The following DACH2 variants were observed in gnomAD, a reference collection of about 807,000 sequenced individuals.
DACH2 encodes the protein dachshund family transcription factor 2, also known as dachshund homolog 2.
In DACH2, 17 loss-of-function variants were observed where a neutral mutation model predicts 35.8. That is an observed-to-expected ratio of 0.48 (90% CI 0.33 to 0.71). The LOEUF (loss-of-function observed/expected upper bound fraction) is 0.71. DACH2 is among the 30% of genes least tolerant of loss of function. The pLI, the probability that DACH2 is intolerant of heterozygous loss-of-function variation, is 0.02. For synonymous variants in DACH2, 195 were observed against 177.3 expected, an observed-to-expected ratio of 1.10 and a Z score of -0.79; for missense variants, 469 against 472.7, an observed-to-expected ratio of 0.99 and a Z score of 0.07.
At chrX:86,634,395 C>T (rs1025089004) in intron 3 of DACH2, among the ~76,000 whole-genome samples, 2 of 111,326 alleles carry the variant, frequency 1.8e-5, no homozygotes, top group Admixed American at 9.6e-5. Context: ...TAGAATAAGA[C>T]AAGGATGCCC....
rs137864672 is a variant in DACH2 at position 86,229,708 on chromosome X, A to ATT, written c.488+80613_488+80614dup. On this transcript the variant is annotated intron_variant, in intron 1 of 11. Transcript: ENST00000373125. Reference sequence around the variant, plus strand: ...TCCTTTGTGAGGTATATTCCTAAGTATTTTTTTTTTTTTTGCAGCTATTGT... The same window carrying ATT: ...TCCTTTGTGAGGTATATTCCTAAGTATTTTTTTTTTTTTTTTGCAGCTATTGT... Among the ~76,000 whole-genome samples the ATT allele has an allele frequency of 4.3e-3, 408 of 95,277 alleles. 1 individual carries two copies. The highest frequency in any genetic ancestry group is 9.0e-3 in the African/African-American group (242 of 26,997). 82.7% of individuals were successfully genotyped at this position (95,277 alleles called of 115,157 possible).
chrX:86,479,704 G>A (rs1454047411), intron 2 of DACH2, among the ~76,000 whole-genome samples: 2 of 111,332 alleles, frequency 1.8e-5, no homozygotes, highest in African/African-American at 6.5e-5. Context: ...ATTTCAATTG[G>A]CCTGTCTTCA....
chrX:86,474,106 C>T (rs1322459802), intron 2 of DACH2, among the ~76,000 whole-genome samples: 9 of 111,571 alleles, frequency 8.1e-5, no homozygotes, highest in African/African-American at 1.9e-4. Flanking sequence ...TGCATTTCTC[C>T]GATGATGAAT....
At chrX:86,177,774 GA>G (rs1174963038) in intron 1 of DACH2, among the ~76,000 whole-genome samples, 2 of 110,991 alleles carry the variant, frequency 1.8e-5, no homozygotes, top group Non-Finnish European at 3.8e-5. Flanking sequence ...CTTGTTTAGG[GA>G]GAAAGAAGGC....
At chrX:86,728,346 G>A (rs752770613) in intron 6 of DACH2, among the ~76,000 whole-genome samples, 1 of 112,049 alleles carries the variant, frequency 8.9e-6, no homozygotes, top group Non-Finnish European at 1.9e-5. Context: ...AAGAAATAAT[G>A]AAAGGTTGAA....
intron 6 of DACH2, among the ~76,000 whole-genome samples, chrX:86,720,964 G>A (rs955949874): frequency 7.1e-5 from 8 of 112,502 alleles, no homozygotes; most frequent in African/African-American, 2.6e-4. Context: ...ACCAGGGCTT[G>A]GGGCTTGCAC....
At chrX:86,784,057 T>A (rs2042113989) in intron 7 of DACH2, among the ~76,000 whole-genome samples, 1 of 110,730 alleles carries the variant, frequency 9.0e-6, no homozygotes, top group African/African-American at 3.3e-5. Context: ...CTCCATGATG[T>A]GCTTATTTCA....
chrX:86,220,328 A>G (rs2032680284), intron 1 of DACH2, among the ~76,000 whole-genome samples: 1 of 111,655 alleles, frequency 9.0e-6, no homozygotes, highest in African/African-American at 3.3e-5. Flanking sequence ...TTGCTAGAAT[A>G]TATTCATCAT....
intron 1 of DACH2, among the ~76,000 whole-genome samples, chrX:86,311,801 G>A (rs1026847081): frequency 3.6e-5 from 4 of 111,576 alleles, no homozygotes; most frequent in Non-Finnish European, 7.5e-5. Context: ...GGGAGTTACA[G>A]TGTTGGCTGG....
intron 1 of DACH2, among the ~76,000 whole-genome samples, chrX:86,347,593 C>T (rs762580705): frequency 8.9e-6 from 1 of 112,909 alleles, no homozygotes; most frequent in Non-Finnish European, 1.9e-5. Context: ...CTCATTTTCT[C>T]ATTATTGATT....
chrX:86,737,351 C>T (rs1232873948), intron 6 of DACH2, among the ~76,000 whole-genome samples: 5 of 111,518 alleles, frequency 4.5e-5, no homozygotes, highest in African/African-American at 1.6e-4. Context: ...TGTTTGGAAA[C>T]ATTGTTTTGG....
At chrX:86,474,773 G>T (rs2037815420) in intron 2 of DACH2, among the ~76,000 whole-genome samples, 3 of 111,502 alleles carry the variant, frequency 2.7e-5, no homozygotes, top group Non-Finnish European at 5.7e-5. Flanking sequence ...TGCTCTTGTT[G>T]CCCAGGCTGG....
intron 3 of DACH2, among the ~76,000 whole-genome samples, chrX:86,536,419 G>T (rs1196308958): frequency 9.0e-6 from 1 of 111,663 alleles, no homozygotes; most frequent in Non-Finnish European, 1.9e-5. Context: ...GTCTCTTATG[G>T]GGGAAATTTG....
At chrX:86,588,699 T>C (rs2039605970) in intron 3 of DACH2, among the ~76,000 whole-genome samples, 1 of 111,460 alleles carries the variant, frequency 9.0e-6, no homozygotes, top group Non-Finnish European at 1.9e-5. Flanking sequence ...TACTGGGTTT[T>C]CTAAATGGAT....
intron 2 of DACH2, among the ~76,000 whole-genome samples, chrX:86,444,339 C>T (rs1243509808): frequency 1.8e-5 from 2 of 111,596 alleles, no homozygotes; most frequent in African/African-American, 3.3e-5. Flanking sequence ...ATCCTCCTGC[C>T]TTGGCCTCCC....
chrX:86,425,463 A>G (rs1264536100), intron 2 of DACH2, among the ~76,000 whole-genome samples: 1 of 110,529 alleles, frequency 9.0e-6, no homozygotes, highest in Non-Finnish European at 1.9e-5. Context: ...TAATTTATTG[A>G]CATATAATTG....
At chrX:86,798,311 A>T (rs763462287) in intron 7 of DACH2, among the ~76,000 whole-genome samples, 2 of 112,164 alleles carry the variant, frequency 1.8e-5, no homozygotes, top group East Asian at 5.6e-4. Flanking sequence ...AGAAACAGGA[A>T]ATCTTATTTC....
At chrX:86,184,414 G>A (rs2031617598) in intron 1 of DACH2, 1 of 122,418 alleles carries the variant, frequency 8.2e-6, no homozygotes, top group African/African-American at 3.3e-5. Flanking sequence ...TCACCGTGTT[G>A]GCCGGGCTGG....
At chrX:86,421,731 C>A (rs1299603924) in intron 2 of DACH2, among the ~76,000 whole-genome samples, 1 of 111,151 alleles carries the variant, frequency 9.0e-6, no homozygotes, top group African/African-American at 3.3e-5. Context: ...TTTGTTAAAT[C>A]TACTTCTATT....
Sources: gnomAD v4.1 joint callset for allele counts (sites outside exome capture counted in the v4.1 genomes callset) on GRCh38, gnomAD v4.1.1 for gene constraint, MANE v1.5 for transcripts, NCBI Gene and HGNC (gene_info 2026-07-23, HGNC 2026-07-21) for gene names.